Variants in SLC8A1 observed in about 807,000 individuals in gnomAD.
The protein encoded by SLC8A1 is sodium/calcium exchanger 1.
A neutral mutation model predicts 68.3 loss-of-function variants in SLC8A1; 18 were observed. The observed-to-expected ratio is 0.26, with a 90% confidence interval of 0.18 to 0.39. The LOEUF (loss-of-function observed/expected upper bound fraction) is 0.39, where lower values mean the gene tolerates loss of function less well. Ranked by LOEUF, SLC8A1 falls within the 10% of genes least tolerant of loss-of-function variation. SLC8A1 has a pLI of 1.00. For synonymous variants in SLC8A1, 475 were observed against 415.5 expected (o/e 1.14, Z -1.74); for missense variants, 985 against 1,156.7 (o/e 0.85, Z 2.15).
intron 2 of SLC8A1, among the ~76,000 whole-genome samples, chr2:40,246,776 T>A (rs1321085698): frequency 1.3e-5 from 2 of 152,230 alleles, no homozygotes; most frequent in African/African-American, 4.8e-5. Flanking sequence ...GAAAAGTTTT[T>A]AAATTCTGGC....
Position 40,504,851 on chromosome 2 carries a change from T to C in SLC8A1, c.-25+7498A>G, listed in dbSNP as rs189478428. Among the ~76,000 whole-genome samples, 3 of 151,974 alleles carry C rather than the reference T, an allele frequency of 2.0e-5. No homozygotes were observed. The East Asian group carries it at 5.8e-4, about 29-fold the overall frequency. On this transcript the variant is annotated intron_variant, in intron 1 of 7. Coordinates refer to the SLC8A1 transcript ENST00000402441. ...TGGTGTAAAGGAACCCTTTGTACAC[T>C]CTTGGTGGGAATGTAAATTAGTACA...
intron 6 of SLC8A1, among the ~76,000 whole-genome samples, chr2:40,154,301 T>C (rs13413343): frequency 0.14 from 833 of 5,968 alleles, 12 homozygotes; most frequent in Non-Finnish European, 0.21. Flanking sequence ...TATTTATTCT[T>C]TTTTTTTTTT....
chr2:40,350,678 C>T (rs1670805323), intron 2 of SLC8A1, among the ~76,000 whole-genome samples: 1 of 146,538 alleles, frequency 6.8e-6, no homozygotes, highest in South Asian at 2.2e-4. Context: ...TTAACATTAG[C>T]CTTATATAAG....
chr2:40,368,001 A>T (rs910815390), intron 2 of SLC8A1, among the ~76,000 whole-genome samples: 2 of 152,078 alleles, frequency 1.3e-5, no homozygotes, highest in African/African-American at 4.8e-5. Context: ...GGTTTAGGTC[A>T]AGTGTTTCAG....
chr2:40,309,328 C>T (rs1253305680), intron 2 of SLC8A1, among the ~76,000 whole-genome samples: 1 of 152,100 alleles, frequency 6.6e-6, no homozygotes, highest in Non-Finnish European at 1.5e-5. Context: ...ATCATCATAG[C>T]TTCTTCCCTA....
At chr2:40,325,777 C>CAAAAAAAAAA (rs3059526) in intron 2 of SLC8A1, among the ~76,000 whole-genome samples, 3 of 45,004 alleles carry the variant, frequency 6.7e-5, no homozygotes, top group Admixed American at 3.2e-4. Context: ...ACTAAAAATA[C>CAAAAAAAAAA]AAAAAAAAAA....
At chr2:40,099,286 C>G (rs1270925419) in exon 8 of SLC8A1, 1 of 151,874 alleles carries the variant, frequency 6.6e-6, no homozygotes, top group Non-Finnish European at 1.5e-5. Context: ...GATGCATATA[C>G]CATTATGTGT....
chr2:40,116,406 G>A (rs1345630830), intron 7 of SLC8A1, among the ~76,000 whole-genome samples: 3 of 152,100 alleles, frequency 2.0e-5, no homozygotes, highest in Non-Finnish European at 4.4e-5. Flanking sequence ...CTGGTGTGCT[G>A]CACCCACTAA....
At chr2:40,176,727 CT>C (rs2048536944) in intron 3 of SLC8A1, among the ~76,000 whole-genome samples, 1 of 152,092 alleles carries the variant, frequency 6.6e-6, no homozygotes, top group Non-Finnish European at 1.5e-5. Context: ...TTATTTTTCC[CT>C]CTACTTGTAA....
At chr2:40,485,049 G>T (rs1437537285) in intron 1 of SLC8A1, among the ~76,000 whole-genome samples, 1 of 152,052 alleles carries the variant, frequency 6.6e-6, no homozygotes, top group Non-Finnish European at 1.5e-5. Flanking sequence ...GAGCTTGCTG[G>T]CCTTTTCTTA....
At chr2:40,369,559 G>C (rs1677344396) in intron 2 of SLC8A1, among the ~76,000 whole-genome samples, 1 of 152,068 alleles carries the variant, frequency 6.6e-6, no homozygotes, top group Non-Finnish European at 1.5e-5. Context: ...CTGTACTCCA[G>C]TCAAATCTTA....
At chr2:40,307,986 T>G (rs563595303) in intron 2 of SLC8A1, among the ~76,000 whole-genome samples, 22 of 151,870 alleles carry the variant, frequency 1.4e-4, no homozygotes, top group East Asian at 5.8e-4. Flanking sequence ...GAAAAATAAA[T>G]AAATAAATGA....
At chr2:40,463,839 T>TACACACACACAC (rs761954909) in intron 1 of SLC8A1, among the ~76,000 whole-genome samples, 6 of 123,404 alleles carry the variant, frequency 4.9e-5, no homozygotes, top group African/African-American at 1.2e-4. Flanking sequence ...CACACACACA[T>TACACACACACAC]ACACACACAC....
chr2:40,271,759 A>ATAT (rs748034204), intron 2 of SLC8A1, among the ~76,000 whole-genome samples: 169 of 152,336 alleles, frequency 1.1e-3, no homozygotes, highest in Non-Finnish European at 1.9e-3. Flanking sequence ...ATAAACAGTG[A>ATAT]AAAGACAGAC....
intron 1 of SLC8A1, among the ~76,000 whole-genome samples, chr2:40,443,454 GGTCTTAGGTGGACACTTT>G (rs1474936244): frequency 1.3e-5 from 2 of 152,126 alleles, no homozygotes; most frequent in African/African-American, 2.4e-5. Context: ...TGAATTGTAA[GGTCTTAGGTGGACACTTT>G]TGTAATTACC....
chr2:40,475,342 C>T (rs945683955), intron 1 of SLC8A1, among the ~76,000 whole-genome samples: 1 of 151,920 alleles, frequency 6.6e-6, no homozygotes, highest in East Asian at 1.9e-4. Flanking sequence ...ACCGTGTTAG[C>T]CAGGATGGTC....
chr2:40,492,126 G>A (rs1705354857), intron 1 of SLC8A1, among the ~76,000 whole-genome samples: 1 of 151,876 alleles, frequency 6.6e-6, no homozygotes, highest in Non-Finnish European at 1.5e-5. Flanking sequence ...AAACAGCATG[G>A]TACTGGTACC....
chr2:40,198,634 G>C (rs1427403280), intron 2 of SLC8A1, among the ~76,000 whole-genome samples: 2 of 151,826 alleles, frequency 1.3e-5, no homozygotes, highest in Non-Finnish European at 2.9e-5. Context: ...AGATAACAAG[G>C]AGAATAAAAC....
intron 2 of SLC8A1, among the ~76,000 whole-genome samples, chr2:40,363,658 G>A (rs1402855746): frequency 1.3e-5 from 2 of 152,036 alleles, no homozygotes; most frequent in Admixed American, 6.6e-5. Context: ...AAATATGCAT[G>A]CAAATAAGCC....
Sources: allele counts gnomAD v4.1 joint callset (sites outside exome capture counted in the v4.1 genomes callset), GRCh38; gene constraint gnomAD v4.1.1; transcripts MANE v1.5; gene names NCBI Gene and HGNC (gene_info 2026-07-23, HGNC 2026-07-21).